The following KCNIP4 variants were observed in gnomAD, a reference collection of about 807,000 sequenced individuals.
The protein encoded by KCNIP4 is potassium voltage-gated channel interacting protein 4, also known as Kv channel-interacting protein 4.
KCNIP4 carries 12 observed loss-of-function variants against 34.0 expected under a neutral mutation model. The observed-to-expected ratio is 0.35, with a 90% confidence interval of 0.23 to 0.57. KCNIP4 has a LOEUF of 0.57. KCNIP4 is among the 20% of genes least tolerant of loss of function. The pLI is 0.83. For missense variants in KCNIP4, 238 were observed against 311.7 expected, an observed-to-expected ratio of 0.76 and a Z score of 1.78; for synonymous variants, 124 against 102.2, an observed-to-expected ratio of 1.21 and a Z score of -1.29.
At chr4:21,191,500 T>G (rs1024305204) in intron 1 of KCNIP4, among the ~76,000 whole-genome samples, 1 of 152,158 alleles carries the variant, frequency 6.6e-6, no homozygotes, top group Admixed American at 6.6e-5. Flanking sequence ...ATCAGAGCCC[T>G]TTCTGAGTAT....
At chr4:21,200,239 G>A (rs1355006034) in intron 1 of KCNIP4, among the ~76,000 whole-genome samples, 1 of 151,004 alleles carries the variant, frequency 6.6e-6, no homozygotes, top group Non-Finnish European at 1.5e-5. Context: ...ATTCACAATT[G>A]CAAAGATAAG....
chr4:21,541,373 C>T (rs1737678541), intron 1 of KCNIP4, among the ~76,000 whole-genome samples: 1 of 152,118 alleles, frequency 6.6e-6, no homozygotes, highest in Admixed American at 6.5e-5. Flanking sequence ...GATAAACCTA[C>T]TCTTACCCTT....
At chr4:21,044,372 C>G (rs1019502139) in intron 1 of KCNIP4, among the ~76,000 whole-genome samples, 1 of 151,924 alleles carries the variant, frequency 6.6e-6, no homozygotes, top group East Asian at 1.9e-4. Context: ...AGTGCAATGG[C>G]GTGATCTTGG....
chr4:21,375,184 A>G (rs1433724794), intron 1 of KCNIP4, among the ~76,000 whole-genome samples: 1 of 134,228 alleles, frequency 7.5e-6, no homozygotes, highest in Non-Finnish European at 1.5e-5. Context: ...CATGGAATGT[A>G]GCCTTTTATG....
At chr4:21,687,635 C>A (rs1406281019) in intron 1 of KCNIP4, among the ~76,000 whole-genome samples, 1 of 152,068 alleles carries the variant, frequency 6.6e-6, no homozygotes, top group Non-Finnish European at 1.5e-5. Flanking sequence ...ACAATGCCTC[C>A]CAGCTTGTGT....
At chr4:21,785,519 G>A (rs1295971560) in intron 1 of KCNIP4, among the ~76,000 whole-genome samples, 3 of 151,990 alleles carry the variant, frequency 2.0e-5, no homozygotes, top group Admixed American at 6.6e-5. Flanking sequence ...TTGAACCCAG[G>A]AGGCAGAGGT....
chr4:21,764,912 G>A (rs1718304867), intron 1 of KCNIP4, among the ~76,000 whole-genome samples: 1 of 151,948 alleles, frequency 6.6e-6, no homozygotes, highest in Non-Finnish European at 1.5e-5. Flanking sequence ...ATTTTCCATG[G>A]AAGTTCAATT....
intron 1 of KCNIP4, among the ~76,000 whole-genome samples, chr4:21,430,060 T>C (rs1726302139): frequency 1.3e-5 from 2 of 152,140 alleles, no homozygotes; most frequent in African/African-American, 2.4e-5. Flanking sequence ...AAACCTAAGA[T>C]AGTATCTTGT....
chr4:21,303,256 T>A (rs1711955184), intron 1 of KCNIP4, among the ~76,000 whole-genome samples: 1 of 152,126 alleles, frequency 6.6e-6, no homozygotes, highest in African/African-American at 2.4e-5. Flanking sequence ...TGAGTTAGAG[T>A]CTTTTCCCCT....
At chr4:21,731,796 T>A (rs1485048541) in intron 1 of KCNIP4, among the ~76,000 whole-genome samples, 1 of 152,046 alleles carries the variant, frequency 6.6e-6, no homozygotes, top group Admixed American at 6.6e-5. Context: ...CCATATGCCA[T>A]CAAGAGATGA....
At chr4:20,987,748 C>T (rs1296334580) in intron 1 of KCNIP4, among the ~76,000 whole-genome samples, 1 of 151,610 alleles carries the variant, frequency 6.6e-6, no homozygotes, top group Non-Finnish European at 1.5e-5. Context: ...GCCTGTAATC[C>T]CAGCATTTTG....
intron 1 of KCNIP4, among the ~76,000 whole-genome samples, chr4:20,992,296 A>C (rs1382270958): frequency 2.0e-5 from 3 of 152,130 alleles, no homozygotes; most frequent in Non-Finnish European, 4.4e-5. Context: ...GGGTGCAAGC[A>C]GGGGAAATGT....
chr4:21,295,750 T>C (rs770211935), intron 1 of KCNIP4, among the ~76,000 whole-genome samples: 4 of 152,148 alleles, frequency 2.6e-5, no homozygotes, highest in Non-Finnish European at 5.9e-5. Flanking sequence ...CCATGCTATA[T>C]TTTGTGCTTG....
At chr4:21,096,488 G>GT (rs928315684) in intron 1 of KCNIP4, among the ~76,000 whole-genome samples, 7 of 152,078 alleles carry the variant, frequency 4.6e-5, no homozygotes, top group East Asian at 1.9e-4. Flanking sequence ...GGGTCCTTCA[G>GT]TTTTTTTATT....
intron 1 of KCNIP4, among the ~76,000 whole-genome samples, chr4:21,043,295 T>C (rs1447962573): frequency 6.6e-6 from 1 of 152,124 alleles, no homozygotes; most frequent in Non-Finnish European, 1.5e-5. Context: ...TGATTTATGC[T>C]TTTTAAGGTT....
At chr4:21,084,774 C>T (rs1259147430) in intron 1 of KCNIP4, among the ~76,000 whole-genome samples, 2 of 151,244 alleles carry the variant, frequency 1.3e-5, no homozygotes, top group Non-Finnish European at 1.5e-5. Context: ...ATAGCCACTT[C>T]AGCCCCTCTT....
intron 1 of KCNIP4, among the ~76,000 whole-genome samples, chr4:21,607,891 C>T (rs1193744247): frequency 6.6e-6 from 1 of 152,072 alleles, no homozygotes; most frequent in Admixed American, 6.5e-5. Context: ...TCCATTGTTC[C>T]ACAATCATCT....
At chr4:21,678,032 G>A (rs758248637) in intron 1 of KCNIP4, among the ~76,000 whole-genome samples, 11 of 152,152 alleles carry the variant, frequency 7.2e-5, no homozygotes, top group Non-Finnish European at 1.0e-4. Context: ...GACTACAGGC[G>A]TGAGCCACTG....
intron 1 of KCNIP4, among the ~76,000 whole-genome samples, chr4:21,126,029 T>C (rs1379915612): frequency 3.3e-5 from 5 of 152,022 alleles, no homozygotes; most frequent in African/African-American, 1.2e-4. Flanking sequence ...GCAGTGAACA[T>C]GGGGCTTGAG....
Sources: gnomAD v4.1 joint callset for allele counts (sites outside exome capture counted in the v4.1 genomes callset) on GRCh38, gnomAD v4.1.1 for gene constraint, MANE v1.5 for transcripts, NCBI Gene and HGNC (gene_info 2026-07-23, HGNC 2026-07-21) for gene names.